The following FHIT variants were observed in gnomAD, a reference collection of about 807,000 sequenced individuals.
FHIT encodes bis(5'-adenosyl)-triphosphatase.
A neutral mutation model predicts 17.9 loss-of-function variants in FHIT; 19 were observed. The ratio of observed to expected loss-of-function variants is 1.06; its 90% confidence interval spans 0.74 to 1.56. The LOEUF is 1.56. Among genes scored for constraint, FHIT ranks in the 40% most tolerant of loss-of-function variants. The pLI is 0.00. For missense variants in FHIT, 248 were observed against 189.2 expected, an observed-to-expected ratio of 1.31 and a Z score of -1.82; for synonymous variants, 81 against 69.7, an observed-to-expected ratio of 1.16 and a Z score of -0.81.
intron 4 of FHIT, among the ~76,000 whole-genome samples, chr3:60,638,472 A>T (rs774445778): frequency 1.3e-5 from 2 of 152,206 alleles, no homozygotes; most frequent in Non-Finnish European, 2.9e-5. Context: ...AGTACATTAC[A>T]TCAGTGGTTC....
chr3:60,969,607 T>C (rs1207621674), intron 3 of FHIT, among the ~76,000 whole-genome samples: 2 of 152,144 alleles, frequency 1.3e-5, no homozygotes, highest in African/African-American at 2.4e-5. Flanking sequence ...GGGAAGAAAA[T>C]ATTACCTAAT....
intron 5 of FHIT, among the ~76,000 whole-genome samples, chr3:60,104,193 T>C (rs1234685744): frequency 2.6e-5 from 4 of 152,180 alleles, no homozygotes; most frequent in African/African-American, 9.6e-5. Flanking sequence ...CAAAGATAAC[T>C]TTTCCTTTAG....
intron 7 of FHIT, among the ~76,000 whole-genome samples, chr3:59,953,421 G>A (rs1485756855): frequency 1.3e-5 from 2 of 151,972 alleles, no homozygotes; most frequent in African/African-American, 4.8e-5. Context: ...AACACTTAGA[G>A]TTGACCCATT....
intron 2 of FHIT, among the ~76,000 whole-genome samples, chr3:61,075,051 T>C (rs982344959): frequency 6.6e-6 from 1 of 152,134 alleles, no homozygotes; most frequent in Non-Finnish European, 1.5e-5. Flanking sequence ...AAACAACAAA[T>C]GGCAAGCACG....
intron 5 of FHIT, among the ~76,000 whole-genome samples, chr3:60,121,273 A>G (rs1470090031): frequency 1.3e-5 from 2 of 152,178 alleles, no homozygotes; most frequent in East Asian, 3.8e-4. Context: ...AATGTGATCT[A>G]TATATAATCG....
intron 4 of FHIT, among the ~76,000 whole-genome samples, chr3:60,635,257 A>G (rs1409709220): frequency 1.4e-5 from 2 of 142,554 alleles, no homozygotes; most frequent in African/African-American, 5.3e-5. Flanking sequence ...TTGAAAGATT[A>G]CTCCAGGTTC....
At chr3:60,016,468 TACTC>T (rs971796066) in intron 5 of FHIT, among the ~76,000 whole-genome samples, 6 of 152,188 alleles carry the variant, frequency 3.9e-5, no homozygotes, top group African/African-American at 1.4e-4. Flanking sequence ...GCTGGCAACC[TACTC>T]ACTCATCCAT....
intron 2 of FHIT, among the ~76,000 whole-genome samples, chr3:61,067,542 G>C (rs751594764): frequency 1.3e-5 from 2 of 152,026 alleles, no homozygotes; most frequent in Non-Finnish European, 2.9e-5. Context: ...CAGCCACATA[G>C]ACATGGACTT....
chr3:60,016,976 T>C (rs1031020720), intron 5 of FHIT, among the ~76,000 whole-genome samples: 2 of 152,192 alleles, frequency 1.3e-5, no homozygotes, highest in Non-Finnish European at 1.5e-5. Flanking sequence ...TAATTTCTTA[T>C]AGAAAATTAG....
intron 5 of FHIT, among the ~76,000 whole-genome samples, chr3:60,440,204 T>C (rs2030668673): frequency 6.6e-6 from 1 of 152,098 alleles, no homozygotes. Flanking sequence ...TCCACTTCTC[T>C]TCCCTATCCA....
At chr3:60,650,929 A>AG (rs2039974911) in intron 4 of FHIT, among the ~76,000 whole-genome samples, 1 of 152,182 alleles carries the variant, frequency 6.6e-6, no homozygotes, top group Non-Finnish European at 1.5e-5. Flanking sequence ...ATGTTAGTAT[A>AG]GTTCCTTCTA....
chr3:60,032,600 C>T (rs17061880), intron 5 of FHIT, among the ~76,000 whole-genome samples: 35,504 of 152,112 alleles, frequency 0.23, 5,103 homozygotes, highest in African/African-American at 0.41. Context: ...AATGGAGAAC[C>T]AGGCTGTCAC....
intron 4 of FHIT, among the ~76,000 whole-genome samples, chr3:60,780,835 T>C (rs1471158838): frequency 6.6e-6 from 1 of 152,138 alleles, no homozygotes; most frequent in African/African-American, 2.4e-5. Flanking sequence ...GTTCACCATG[T>C]TTGCACTGGG....
intron 3 of FHIT, among the ~76,000 whole-genome samples, chr3:60,942,559 T>TTCTC (rs139616033): frequency 3.3e-5 from 5 of 150,498 alleles, no homozygotes; most frequent in Non-Finnish European, 7.4e-5. Flanking sequence ...CTGTTTGTAT[T>TTCTC]TCTCTCTCTC....
chr3:60,701,412 C>G (rs781867135), intron 4 of FHIT, among the ~76,000 whole-genome samples: 1 of 152,092 alleles, frequency 6.6e-6, no homozygotes, highest in African/African-American at 2.4e-5. Context: ...TATTATTACT[C>G]AAATCAGTCT....
chr3:60,892,310 C>T (rs1705558126), intron 3 of FHIT, among the ~76,000 whole-genome samples: 1 of 152,108 alleles, frequency 6.6e-6, no homozygotes, highest in Non-Finnish European at 1.5e-5. Context: ...GAAGGCACTG[C>T]CATTGTTTCC....
chr3:59,924,829 C>T (rs1418966914), intron 7 of FHIT, among the ~76,000 whole-genome samples: 1 of 152,150 alleles, frequency 6.6e-6, no homozygotes, highest in Non-Finnish European at 1.5e-5. Flanking sequence ...GACTGCAGGG[C>T]CCTAAAAGTC....
At chr3:60,324,571 C>CAGAAA (rs1709592439) in intron 5 of FHIT, among the ~76,000 whole-genome samples, 1 of 25,414 alleles carries the variant, frequency 3.9e-5, no homozygotes, top group Non-Finnish European at 8.0e-5. Context: ...GAGACTCCAT[C>CAGAAA]AGAAAAAAAA....
chr3:60,188,208 T>TTTC (rs67835296), intron 5 of FHIT, among the ~76,000 whole-genome samples: 60 of 6,882 alleles, frequency 8.7e-3, no homozygotes, highest in South Asian at 0.083. Flanking sequence ...AGTTTCTTTC[T>TTTC]TTTTTTTTTT....
Sources: gnomAD v4.1 joint callset for allele counts (sites outside exome capture counted in the v4.1 genomes callset) on GRCh38, gnomAD v4.1.1 for gene constraint, MANE v1.5 for transcripts, NCBI Gene and HGNC (gene_info 2026-07-23, HGNC 2026-07-21) for gene names.